Variants in RBCK1 observed in about 807,000 individuals in gnomAD.
The protein encoded by RBCK1 is ranBP-type and C3HC4-type zinc finger-containing protein 1.
A neutral mutation model predicts 71.1 loss-of-function variants in RBCK1; 44 were observed. The observed-to-expected ratio is 0.62, with a 90% confidence interval of 0.49 to 0.80. RBCK1 has a LOEUF of 0.80. Among genes scored for constraint, RBCK1 ranks in the 30% least tolerant of loss-of-function variants. The probability of loss-of-function intolerance (pLI) is 0.00; values close to 1 mark genes in which losing one functional copy is unlikely to be tolerated. For missense variants in RBCK1, 569 were observed against 685.0 expected (o/e 0.83, Z 1.89); for synonymous variants, 306 against 279.7 (o/e 1.09, Z -0.94).
At chr20:413,037 A>C (rs1192539802) in intron 2 of RBCK1, among the ~76,000 whole-genome samples, 3 of 152,142 alleles carry the variant, frequency 2.0e-5, no homozygotes, top group Non-Finnish European at 2.9e-5. Flanking sequence ...CTATTTGTTA[A>C]GGCTGTTTTC....
intron 11 of RBCK1, 30 bp downstream of exon 11, chr20:429,124 G>A: frequency 6.3e-7 from 1 of 1,593,604 alleles, no homozygotes; most frequent in Admixed American, 1.7e-5. Flanking sequence ...GGTGTGGAGA[G>A]GGTGCCCTTG....
chr20:410,737 CAAT>C (rs10611249), intron 2 of RBCK1: 76,184 of 543,908 alleles, frequency 0.14, 5,919 homozygotes, highest in East Asian at 0.22. Flanking sequence ...GTTATGCACT[CAAT>C]AATAAACATT....
Position 428,518 on chromosome 20 carries a change from G to A in RBCK1, c.1237G>A (p.Glu413Lys), listed in dbSNP as rs1163188879. ...KAIHEQMNCK[E>K]YQEDLALRAQ... ...CATCCATGAGCAGATGAACTGCAAG[G>A]AGTATCAGGAGGACCTGGCCCTGCG... is the stretch of plus-strand genomic sequence containing the variant. Residue 413 changes from glutamate (E) to lysine (K), a missense_variant, in exon 10 of 12, where the codon GAG becomes AAG. This residue lies in a region of RBCK1 where 211 missense variants were observed against 309.4 expected (regional missense o/e 0.68). Transcript: ENST00000356286. This position sits in a 1 kb window ranked among gnomAD's most constrained non-coding sequence, Gnocchi z 5.7. 2.4e-5 allele frequency: 38 copies of A among 1,611,536 alleles called. No individual in the cohort carries two copies. Among genetic ancestry groups the A allele is most frequent in the Non-Finnish European group, 3.1e-5 (37 of 1,179,090 alleles).
rs2016948327 is a variant in RBCK1 at position 430,251 on chromosome 20, G to C, written c.1453-99G>C. The stretch of plus-strand genomic sequence containing the variant: ...GGCTGACCAGGCCATTCTTGCAGGA[G>C]GACCTGCAGAGGCAAAGGCCCGGGG... On this transcript the variant is annotated intron_variant, in intron 11 of 11. Transcript: ENST00000356286. The surrounding 1 kb of genome is among the most constrained non-coding windows in gnomAD (Gnocchi z 5.6). The C allele has an allele frequency of 2.9e-6, 3 of 1,039,708 alleles. No homozygotes were observed. Among genetic ancestry groups the C allele is most frequent in the Non-Finnish European group, 4.4e-6 (3 of 685,328 alleles). The allele number at this position is 1,039,708 out of a possible 1,614,324, so 64.4% of individuals were successfully genotyped here. A position where few individuals can be genotyped will look rare whatever the true frequency, so the allele number is the denominator to read the frequency against.
At position 421,098 on chromosome 20, in the gene RBCK1, C is replaced by A. The variant is rs73567137; in HGVS notation, c.917+67C>A. On this transcript the variant is annotated intron_variant, in intron 7 of 11. Coordinates refer to ENST00000356286, the MANE Select transcript of RBCK1 (RefSeq NM_031229.4). ...AAGCCGCCAATTACGCAGGGCTGGA[C>A]GTGGGTGGGGCCCTGTGCTCTGATA... The A allele has an allele frequency of 4.6e-3, 6,719 of 1,463,996 alleles. 277 individuals are homozygous for A. In the African/African-American group the frequency reaches 0.082, roughly 18 times the overall value. The allele number at this position is 1,463,996 out of a possible 1,614,324, so 90.7% of individuals were successfully genotyped here. A position where few individuals can be genotyped will look rare whatever the true frequency, so the allele number is the denominator to read the frequency against.
At chr20:421,990 G>A in intron 7 of RBCK1, 137 bp from the exon 8 acceptor site, 1 of 625,272 alleles carries the variant, frequency 1.6e-6, no homozygotes. Flanking sequence ...GGGATGGGAA[G>A]GAAGGAGATA....
Position 428,929 on chromosome 20 carries a change from G to C in RBCK1, c.1309-22G>C. 6.3e-7 allele frequency: 1 copy of C among 1,594,366 alleles called. No individual in the cohort carries two copies. The highest frequency in any genetic ancestry group is 8.5e-7 in the Non-Finnish European group (1 of 1,173,826). ...GTGACTGCCCCAGCCCCGCCCCAGG[G>C]CCAGCACCTGCCCCACTCCAGGTGA... On this transcript the variant is annotated intron_variant, in intron 10 of 11. Transcript: ENST00000356286. This position sits in a 1 kb window ranked among gnomAD's most constrained non-coding sequence, Gnocchi z 5.7.
chr20:420,422 G>A, intron 6 of RBCK1: 2 of 983,000 alleles, frequency 2.0e-6, no homozygotes, highest in Non-Finnish European at 2.4e-6. Flanking sequence ...TCCTGTTCCC[G>A]TCTCAGCTCC....
In RBCK1 at chr20:430,436, A is replaced by G; in HGVS notation, c.*6A>G. 6.2e-7 allele frequency: 1 copy of G among 1,607,056 alleles called. No individual in the cohort carries two copies. Among genetic ancestry groups the G allele is most frequent in the East Asian group, 2.2e-5 (1 of 44,848 alleles). On this transcript the variant is annotated 3_prime_UTR_variant, in exon 12 of 12. Transcript: ENST00000356286. The surrounding 1 kb of genome is among the most constrained non-coding windows in gnomAD (Gnocchi z 5.6). Reference sequence around the variant, plus strand: ...GCTGTCAGAACTGCCACTGAGCTAAAGATGGTGGGGCCACATGCTGACCCA... The same window carrying G: ...GCTGTCAGAACTGCCACTGAGCTAAGGATGGTGGGGCCACATGCTGACCCA...
chr20:430,303 G>C lies in RBCK1; in HGVS notation c.1453-47G>C, dbSNP rs1289768623. The stretch of plus-strand genomic sequence containing the variant: ...GGGAGAGCGCTCGGCTGTGGGGGCA[G>C]TCTCTGCACTGCGCTGACATTCTCT... On this transcript the variant is annotated intron_variant, in intron 11 of 11. Transcript: ENST00000356286. The surrounding 1 kb of genome is among the most constrained non-coding windows in gnomAD (Gnocchi z 5.6). 5.9e-6 allele frequency: 9 copies of C among 1,523,352 alleles called. No homozygotes were observed. Among genetic ancestry groups the C allele is most frequent in the Admixed American group, 1.7e-5 (1 of 59,818 alleles). The allele number at this position is 1,523,352 out of a possible 1,614,324, so 94.4% of individuals were successfully genotyped here.
intron 8 of RBCK1, among the ~76,000 whole-genome samples, chr20:424,432 C>T (rs2016596234): frequency 6.6e-6 from 1 of 152,154 alleles, no homozygotes; most frequent in South Asian, 2.1e-4. Context: ...CTCTTTATTT[C>T]TGTCCCCCCT....
At position 428,655 on chromosome 20, in the gene RBCK1, C is replaced by A. The variant is rs1473442511; in HGVS notation, c.1308+66C>A. On this transcript the variant is annotated intron_variant, in intron 10 of 11. Coordinates refer to ENST00000356286, the MANE Select transcript of RBCK1 (RefSeq NM_031229.4). The surrounding 1 kb of genome is among the most constrained non-coding windows in gnomAD (Gnocchi z 5.7). ...CTGGGATCCAGGTGGGGGCTGGGGG[C>A]TTCCCAGTAAGGGCTGTGCTCACAC... 1.3e-6 allele frequency: 2 copies of A among 1,486,376 alleles called. No individual in the cohort carries two copies. Among genetic ancestry groups the A allele is most frequent in the Non-Finnish European group, 1.8e-6 (2 of 1,105,300 alleles). The allele number at this position is 1,486,376 out of a possible 1,614,324, so 92.1% of individuals were successfully genotyped here.
At chr20:421,318 C>G (rs2016425772) in intron 7 of RBCK1, among the ~76,000 whole-genome samples, 2 of 152,176 alleles carry the variant, frequency 1.3e-5, no homozygotes, top group Non-Finnish European at 2.9e-5. Flanking sequence ...CTCCTGCAGC[C>G]ACGCTGCTCT....
At position 432,029 on chromosome 20, in the gene RBCK1, G is replaced by A. The variant is rs771244288; in HGVS notation, c.*1599G>A. On this transcript the variant is annotated 3_prime_UTR_variant, in exon 12 of 12. Coordinates refer to ENST00000356286, the MANE Select transcript of RBCK1 (RefSeq NM_031229.4). The surrounding 1 kb of genome is among the most constrained non-coding windows in gnomAD (Gnocchi z 4.3). Reference sequence around the variant, plus strand: ...TTGTTCTCTTGTGGTACCACAGGCTGTAACCAGTCCACCCAGTGTTGTTTT... The same window carrying A: ...TTGTTCTCTTGTGGTACCACAGGCTATAACCAGTCCACCCAGTGTTGTTTT... Among the ~76,000 whole-genome samples, 2 of 152,228 alleles carry A rather than the reference G, an allele frequency of 1.3e-5. No homozygotes were observed. Among genetic ancestry groups the A allele is most frequent in the South Asian group, 2.1e-4 (1 of 4,838 alleles).
intron 6 of RBCK1, chr20:419,952 G>A (rs1013222762): frequency 1.0e-6 from 1 of 985,228 alleles, no homozygotes; most frequent in Non-Finnish European, 1.2e-6. Context: ...CCCTGGCTGT[G>A]GCGCACATCC....
At chr20:414,102 AAG>A (rs1555784529) in intron 2 of RBCK1, among the ~76,000 whole-genome samples, 2 of 151,854 alleles carry the variant, frequency 1.3e-5, no homozygotes, top group African/African-American at 4.8e-5. Flanking sequence ...AAAAAAAAAA[AAG>A]AAAAATCCCT....
At chr20:418,302 T>C (rs1005119824) in intron 4 of RBCK1, among the ~76,000 whole-genome samples, 2 of 152,232 alleles carry the variant, frequency 1.3e-5, no homozygotes, top group Non-Finnish European at 2.9e-5. Flanking sequence ...TACAGAAAAG[T>C]TGCTAAATTT....
At position 422,004 on chromosome 20, in the gene RBCK1, A is replaced by G; in HGVS notation, c.918-123A>G. The G allele has an allele frequency of 1.5e-6, 1 of 665,532 alleles. No individual in the cohort carries two copies. Among genetic ancestry groups the G allele is most frequent in the Non-Finnish European group, 2.6e-6 (1 of 384,392 alleles). 41.2% of individuals were successfully genotyped at this position (665,532 alleles called of 1,614,324 possible). A position where few individuals can be genotyped will look rare whatever the true frequency, so the allele number is the denominator to read the frequency against. On this transcript the variant is annotated intron_variant, in intron 7 of 11. Transcript: ENST00000356286. This position sits in a 1 kb window ranked among gnomAD's most constrained non-coding sequence, Gnocchi z 5.0. ...AGGGATGGGAAGGAAGGAGATATTGAGGAGAAGTCCACCTGGGGTGACTGA... is the reference window on the plus strand; with the variant it reads ...AGGGATGGGAAGGAAGGAGATATTGGGGAGAAGTCCACCTGGGGTGACTGA...
Position 419,749 on chromosome 20 carries a change from T to TGGA in RBCK1, c.756+19_756+21dup, listed in dbSNP as rs2016263421. ...ACCAGCAGGTGGGCGGGAAAGTCCC[T>TGGA]GGACAGACACCTGCAGACCGCACGG... On this transcript the variant is annotated intron_variant, in intron 6 of 11. Coordinates refer to ENST00000356286, the MANE Select transcript of RBCK1 (RefSeq NM_031229.4). 6.5e-7 allele frequency: 1 copy of TGGA among 1,543,582 alleles called. No individual in the cohort carries two copies. The highest frequency in any genetic ancestry group is 1.2e-5 in the South Asian group (1 of 84,306).
Sources: gnomAD v4.1 joint callset for allele counts (sites outside exome capture counted in the v4.1 genomes callset) on GRCh38, gnomAD v4.1.1 for gene constraint, gnomAD v4.1.1 regional missense constraint, Gnocchi (gnomAD v3.1) non-coding constraint, MANE v1.5 for transcripts, NCBI Gene and HGNC (gene_info 2026-07-23, HGNC 2026-07-21) for gene names.